RPL3: variants seen among roughly 807,000 people sequenced by gnomAD.
The protein encoded by RPL3 is ribosomal protein L3.
A neutral mutation model predicts 46.0 loss-of-function variants in RPL3; 3 were observed. That is an observed-to-expected ratio of 0.07 (90% CI 0.03 to 0.17). The LOEUF (loss-of-function observed/expected upper bound fraction) is 0.17. Ranked by LOEUF, RPL3 falls within the 10% of genes least tolerant of loss-of-function variation. RPL3 has a pLI of 1.00. For missense variants in RPL3, 387 were observed against 532.7 expected (o/e 0.73, Z 2.69); for synonymous variants, 224 against 190.8 (o/e 1.17, Z -1.43).
At chr22:39,313,341 T>C (rs537717239) in intron 8 of RPL3, 31 bp from the exon 9 acceptor site, 1 of 1,613,376 alleles carries the variant, frequency 6.2e-7, no homozygotes, top group South Asian at 1.1e-5. Flanking sequence ...GGATTTAGGA[T>C]TACGAGGAGC....
chr22:39,317,001 A>G (rs768831527), intron 3 of RPL3, 160 bp from the exon 4 acceptor site: 3 of 1,105,920 alleles, frequency 2.7e-6, no homozygotes, highest in Admixed American at 3.9e-5. Flanking sequence ...GATGGAGCTC[A>G]TCGGGCAGAG....
chr22:39,315,258 G>A (rs1239018439), intron 5 of RPL3, 111 bp downstream of exon 5: 27 of 1,410,664 alleles, frequency 1.9e-5, no homozygotes, highest in South Asian at 4.6e-5. Flanking sequence ...TACACTGTCC[G>A]ATTCGGGCGC....
intron 1 of RPL3, 23 bp downstream of exon 1, chr22:39,319,572 A>G: frequency 6.4e-7 from 1 of 1,563,672 alleles, no homozygotes; most frequent in South Asian, 1.2e-5. Flanking sequence ...TGACAATGAA[A>G]CGGCCGCCAT....
rs1183366573 is a variant in RPL3, at chr22:39,314,395, A to C, written c.850-187T>G. The C allele has an allele frequency of 9.3e-6, 6 of 643,134 alleles. No individual in the cohort carries two copies. In the East Asian group the frequency reaches 1.6e-4, roughly 18 times the overall value. The allele number at this position is 643,134 out of a possible 1,614,324, so 39.8% of individuals were successfully genotyped here. On this transcript the variant is annotated intron_variant, in intron 6 of 9. Coordinates refer to ENST00000216146, the MANE Select transcript of RPL3 (RefSeq NM_000967.4). ...CCTTTCTGTAAGGCGGCTGGGCTAA[A>C]ACTAAAGATCCTGCTGTACAACACA... is the stretch of plus-strand genomic sequence containing the variant.
At chr22:39,316,483 T>G (rs999547963) in intron 4 of RPL3, among the ~76,000 whole-genome samples, 10 of 152,190 alleles carry the variant, frequency 6.6e-5, no homozygotes, top group African/African-American at 1.9e-4. Context: ...GAGCAGCCAG[T>G]ACCTCACAAC....
chr22:39,314,818 C>G lies in RPL3; in HGVS notation c.717G>C (p.Lys239Asn). Residue 239 changes from lysine (K) to asparagine (N), a missense_variant, in exon 6 of 10, where the codon AAG (lysine) becomes AAC (asparagine). This residue lies in a region of RPL3 where 48 missense variants were observed against 80.7 expected (regional missense o/e 0.60). Coordinates refer to ENST00000216146, the MANE Select transcript of RPL3 (RefSeq NM_000967.4). ...GGCCTCGGTGGGTCTTGCGGGGCAG[C>G]TTCTTGGTGTGCCAACGACTGGTGA... ...KGVTSRWHTK[K>N]LPRKTHRGLR... The G allele has an allele frequency of 6.2e-7, 1 of 1,613,722 alleles. No homozygotes were observed.
chr22:39,314,204 T>C lies in RPL3; in HGVS notation c.854A>G (p.Tyr285Cys), dbSNP rs961965304. 8 of 1,613,602 alleles carry C rather than the reference T, an allele frequency of 5.0e-6. No homozygotes were observed. The highest frequency in any genetic ancestry group is 3.3e-5 in the Admixed American group (2 of 59,998). Residue 285 changes from tyrosine to cysteine, a missense_variant, in exon 7 of 10, where the codon TAT (tyrosine) becomes TGT (cysteine). By Grantham distance (194) the Tyr-to-Cys change is radical. Transcript: ENST00000216146. ...GATAAGGTAGCCCTGGCCAATCTTA[T>C]AAATCTGAATGAACAAGAAGGGTGT... The part of the protein sequence containing the change: ...HHRTEINKKI[Y>C]KIGQGYLIKD...
rs1360481000 is a variant in RPL3 at position 39,313,413 on chromosome 22, G to A, written c.1048-103C>T. Reference sequence around the variant, plus strand: ...TCTGGGAAGCCACACGATCAATTCAGCCTCCCCCACCATCCGGCAGATGAG... The same window carrying A: ...TCTGGGAAGCCACACGATCAATTCAACCTCCCCCACCATCCGGCAGATGAG... On this transcript the variant is annotated intron_variant, in intron 8 of 9. Transcript: ENST00000216146. The A allele has an allele frequency of 2.6e-6, 4 of 1,543,048 alleles. No homozygotes were observed. In the African/African-American group the frequency reaches 5.5e-5, roughly 21 times the overall value.
intron 4 of RPL3, 140 bp from the exon 5 acceptor site, chr22:39,315,695 A>G: frequency 1.0e-6 from 1 of 958,472 alleles, no homozygotes; most frequent in Non-Finnish European, 1.5e-6. Context: ...GAACCTCACC[A>G]AGAGGAAGGA....
At chr22:39,318,308 A>G (rs1027171905) in intron 2 of RPL3, 92 bp downstream of exon 2, 7 of 1,366,940 alleles carry the variant, frequency 5.1e-6, no homozygotes, top group Admixed American at 2.6e-5. Context: ...TAAAAAAAAA[A>G]GTCTGCCCTC....
chr22:39,318,468 A>G lies in RPL3; in HGVS notation c.128T>C (p.Leu43Pro). 6.2e-7 allele frequency: 1 copy of G among 1,613,996 alleles called. No homozygotes were observed. Among genetic ancestry groups the G allele is most frequent in the Non-Finnish European group, 8.5e-7 (1 of 1,179,944 alleles). Residue 43 changes from leucine (L) to proline (P), a missense_variant, in exon 2 of 10, where the codon CTC becomes CCC. Physicochemically the swap from Leu to Pro is moderately conservative, Grantham distance 98 (BLOSUM62 -3). Coordinates refer to ENST00000216146, the MANE Select transcript of RPL3 (RefSeq NM_000967.4). ...PKDDPSKPVH[L>P]TAFLGYKAGM... ...AGCCTTGTATCCCAGGAAGGCTGTGAGGTGGACCGGCTTGGACGGGTCATC... is the reference window on the plus strand; with the variant it reads ...AGCCTTGTATCCCAGGAAGGCTGTGGGGTGGACCGGCTTGGACGGGTCATC...
rs140057417 is a variant in RPL3 at position 39,313,775 on chromosome 22, C to T, written c.952-46G>A. Reference sequence around the variant, plus strand: ...CAGCACAGGCCCAGGAGGGGATTGTCGTGCAGATGACCCCTCCAGGTTCAG... The same window carrying T: ...CAGCACAGGCCCAGGAGGGGATTGTTGTGCAGATGACCCCTCCAGGTTCAG... On this transcript the variant is annotated intron_variant, in intron 7 of 9. Transcript: ENST00000216146. 1.3e-5 allele frequency: 20 copies of T among 1,550,298 alleles called. No individual in the cohort carries two copies. In the East Asian group the frequency reaches 3.1e-4, roughly 24 times the overall value.
intron 5 of RPL3, 102 bp from the exon 6 acceptor site, chr22:39,314,948 G>C: frequency 6.7e-7 from 1 of 1,487,896 alleles, no homozygotes; most frequent in African/African-American, 1.4e-5. Context: ...ATCTGAGGGA[G>C]TGATAAGATT....
intron 6 of RPL3, chr22:39,314,454 C>T: frequency 1.6e-6 from 1 of 633,278 alleles, no homozygotes; most frequent in Non-Finnish European, 2.7e-6. Context: ...GCATCAGGGA[C>T]CAATAAGACT....
At chr22:39,318,298 T>TAAA (rs200859496) in intron 2 of RPL3, 102 bp downstream of exon 2, 2 of 1,132,522 alleles carry the variant, frequency 1.8e-6, no homozygotes, top group African/African-American at 1.6e-5. Flanking sequence ...AACTCCTGCT[T>TAAA]AAAAAAAAAA....
At chr22:39,318,961 T>C in intron 1 of RPL3, 2 of 529,106 alleles carry the variant, frequency 3.8e-6, no homozygotes, top group South Asian at 2.8e-5. Flanking sequence ...AAACGCTGGG[T>C]AGCAGCTAGC....
chr22:39,317,444 A>G lies in RPL3; in HGVS notation c.365+17T>C. 2 of 1,609,770 alleles carry G rather than the reference A, an allele frequency of 1.2e-6. No homozygotes were observed. The highest frequency in any genetic ancestry group is 1.7e-6 in the Non-Finnish European group (2 of 1,176,614). On this transcript the variant is annotated intron_variant, in intron 3 of 9. Coordinates refer to ENST00000216146, the MANE Select transcript of RPL3 (RefSeq NM_000967.4). Reference sequence around the variant, plus strand: ...CCCAAGCTCCCAAGCTAGGGACTGCATGGCCTCCTCCCTTACCAATTCTTA... The same window carrying G: ...CCCAAGCTCCCAAGCTAGGGACTGCGTGGCCTCCTCCCTTACCAATTCTTA...
intron 8 of RPL3, 83 bp downstream of exon 8, chr22:39,313,551 C>T: frequency 7.1e-7 from 1 of 1,401,248 alleles, no homozygotes; most frequent in Non-Finnish European, 1.0e-6. Flanking sequence ...CCTTTCCTCT[C>T]CCACCACAGG....
chr22:39,313,937 A>G, intron 7 of RPL3, 170 bp downstream of exon 7: 2 of 834,836 alleles, frequency 2.4e-6, no homozygotes, highest in Non-Finnish European at 4.2e-6. Flanking sequence ...ACTTCTCACC[A>G]GCCAACCCCG....
Sources: gnomAD v4.1 joint callset for allele counts (sites outside exome capture counted in the v4.1 genomes callset) on GRCh38, gnomAD v4.1.1 for gene constraint, gnomAD v4.1.1 regional missense constraint, MANE v1.5 for transcripts, NCBI Gene and HGNC (gene_info 2026-07-23, HGNC 2026-07-21) for gene names.